CLN6: variants seen among roughly 807,000 people sequenced by gnomAD.
CLN6 encodes the protein CLN6 transmembrane ER protein, also known as ceroid-lipofuscinosis neuronal protein 6.
In CLN6, 22 loss-of-function variants were observed where a neutral mutation model predicts 33.3. That is an observed-to-expected ratio of 0.66 (90% CI 0.47 to 0.94). The LOEUF (loss-of-function observed/expected upper bound fraction) is 0.94, where lower values mean the gene tolerates loss of function less well. Among genes scored for constraint, CLN6 ranks in the 40% least tolerant of loss-of-function variants. The pLI is 0.00. For missense variants in CLN6, 387 were observed against 417.1 expected (o/e 0.93, Z 0.63); for synonymous variants, 201 against 174.6 (o/e 1.15, Z -1.19).
intron 1 of CLN6, among the ~76,000 whole-genome samples, chr15:68,249,639 A>C (rs1187733801): frequency 3.9e-5 from 6 of 152,074 alleles, no homozygotes; most frequent in Non-Finnish European, 8.8e-5. Flanking sequence ...GAAGATAGAG[A>C]GTAGATTGAC....
intron 1 of CLN6, among the ~76,000 whole-genome samples, chr15:68,245,365 T>C (rs112482802): frequency 0.065 from 9,858 of 151,936 alleles, 1,067 homozygotes; most frequent in African/African-American, 0.22. Flanking sequence ...GAGCTTGAGA[T>C]GAGCCTGGGC....
In CLN6 at chr15:68,220,556, T is replaced by G. The variant is rs1479261707; in HGVS notation, c.84-1906A>C. Among the ~76,000 whole-genome samples, 4 of 152,208 alleles carry G rather than the reference T, an allele frequency of 2.6e-5. No homozygotes were observed. Among genetic ancestry groups the G allele is most frequent in the Admixed American group, 6.5e-5 (1 of 15,286 alleles). ...GGTTCTAAGGGTGCAAGCCCAGGAC[T>G]GCCTACAGCCAAGGTTCCACCCTCA... On this transcript the variant is annotated intron_variant, in intron 1 of 6. Transcript: ENST00000249806. This position sits in a 1 kb window ranked among gnomAD's most constrained non-coding sequence, Gnocchi z 4.2.
rs778580366 is a variant in CLN6, at chr15:68,241,667, G to A, written c.179+15023C>T. On this transcript the variant is annotated intron_variant, in intron 1 of 6. Transcript: ENST00000538696. This position sits in a 1 kb window ranked among gnomAD's most constrained non-coding sequence, Gnocchi z 4.2. The stretch of plus-strand genomic sequence containing the variant: ...CCCTAGAAACATGGTTCTGTAACTC[G>A]GCCAAAGAAGACACCAAATCAGAGT... 6.6e-6 allele frequency among the ~76,000 whole-genome samples: 1 copy of A among 152,132 alleles called. No homozygotes were observed. Among genetic ancestry groups the A allele is most frequent in the South Asian group, 2.1e-4 (1 of 4,822 alleles).
At chr15:68,253,151 G>A (rs1892396582) in intron 1 of CLN6, among the ~76,000 whole-genome samples, 1 of 152,200 alleles carries the variant, frequency 6.6e-6, no homozygotes, top group African/African-American at 2.4e-5. Flanking sequence ...AATGGGAAAG[G>A]CTGGTGTAAA....
rs1892283654 is a variant in CLN6 at position 68,241,992 on chromosome 15, G to C, written c.179+14698C>G. Reference sequence around the variant, plus strand: ...AAAGCAAAACAGGCCACACAGAGAAGACTAGAATAAATAAATAATCCTTCA... The same window carrying C: ...AAAGCAAAACAGGCCACACAGAGAACACTAGAATAAATAAATAATCCTTCA... On this transcript the variant is annotated intron_variant, in intron 1 of 6. Coordinates refer to the CLN6 transcript ENST00000538696. The surrounding 1 kb of genome is among the most constrained non-coding windows in gnomAD (Gnocchi z 4.2). Among the ~76,000 whole-genome samples the C allele has an allele frequency of 6.6e-6, 1 of 151,922 alleles. No homozygotes were observed. Among genetic ancestry groups the C allele is most frequent in the African/African-American group, 2.4e-5 (1 of 41,354 alleles).
At chr15:68,226,267 TGAG>T (rs2141153133) in intron 1 of CLN6, among the ~76,000 whole-genome samples, 2 of 143,402 alleles carry the variant, frequency 1.4e-5, no homozygotes, top group East Asian at 4.2e-4. Context: ...TGCAGTGAGC[TGAG>T]ATCATGCCAC....
rs1892220969 is a variant in CLN6 at position 68,236,522 on chromosome 15, T to C, written c.180-17872A>G. 6.6e-6 allele frequency among the ~76,000 whole-genome samples: 1 copy of C among 152,228 alleles called. No homozygotes were observed. The highest frequency in any genetic ancestry group is 6.5e-5 in the Admixed American group (1 of 15,284). On this transcript the variant is annotated intron_variant, in intron 1 of 6. Transcript: ENST00000538696. The surrounding 1 kb of genome is among the most constrained non-coding windows in gnomAD (Gnocchi z 4.5). ...AAAGGCCATATGCTGTATTAGGCCA[T>C]TTATATGAAATGTCCAGAATAGGCA...
intron 1 of CLN6, among the ~76,000 whole-genome samples, chr15:68,238,031 G>A (rs1414852747): frequency 2.0e-5 from 3 of 152,042 alleles, no homozygotes; most frequent in African/African-American, 7.3e-5. Context: ...GCTGAGGCAG[G>A]AGAATTACTT....
At chr15:68,231,339 G>A (rs1249459052), upstream of CLN6, among the ~76,000 whole-genome samples, 1 of 152,296 alleles carries the variant, frequency 6.6e-6, no homozygotes, top group East Asian at 1.9e-4. Context: ...CACACACCAG[G>A]TCGTAAGGAG....
intron 1 of CLN6, 61 bp from the exon 2 acceptor site, chr15:68,218,711 C>T: frequency 1.6e-6 from 2 of 1,255,650 alleles, no homozygotes; most frequent in Non-Finnish European, 2.3e-6. Flanking sequence ...AAATCTTCCC[C>T]TGAGATTAGC....
chr15:68,208,921 T>C lies in CLN6; in HGVS notation c.666-511A>G, dbSNP rs901592169. Among the ~76,000 whole-genome samples the C allele has an allele frequency of 1.3e-5, 2 of 152,210 alleles. No individual in the cohort carries two copies. Among genetic ancestry groups the C allele is most frequent in the Admixed American group, 1.3e-4 (2 of 15,286 alleles). On this transcript the variant is annotated intron_variant, in intron 6 of 6. Coordinates refer to ENST00000249806, the MANE Select transcript of CLN6 (RefSeq NM_017882.3). The surrounding 1 kb of genome is among the most constrained non-coding windows in gnomAD (Gnocchi z 5.8). ...TAGGGGACAGGCCGGGGAGAGGATCTAGAGCTGGCCCAGGAAAGGAGGCCC... is the reference window on the plus strand; with the variant it reads ...TAGGGGACAGGCCGGGGAGAGGATCCAGAGCTGGCCCAGGAAAGGAGGCCC...
rs919844747 is a variant in CLN6 at position 68,211,431 on chromosome 15, C to A, written c.487-113G>T. On this transcript the variant is annotated intron_variant, in intron 4 of 6. Coordinates refer to ENST00000249806, the MANE Select transcript of CLN6 (RefSeq NM_017882.3). The surrounding 1 kb of genome is among the most constrained non-coding windows in gnomAD (Gnocchi z 5.9). ...CCTTCTCCCAGTCCCAGGCCTCCCC[C>A]ACTGCCTTATTCCCTACCCGGGGCC... 4.6e-6 allele frequency: 7 copies of A among 1,535,398 alleles called. No individual in the cohort carries two copies. Among genetic ancestry groups the A allele is most frequent in the Middle Eastern group, 1.8e-4 (1 of 5,620 alleles).
intron 3 of CLN6, chr15:68,212,548 T>G (rs1031525630): frequency 4.6e-5 from 7 of 152,752 alleles, no homozygotes; most frequent in African/African-American, 1.7e-4. Context: ...TGAAATTCAT[T>G]TCTTTCATTT....
intron 1 of CLN6, among the ~76,000 whole-genome samples, chr15:68,243,336 CA>C (rs1892295374): frequency 6.6e-6 from 1 of 152,150 alleles, no homozygotes; most frequent in Admixed American, 6.5e-5. Context: ...TTCCGAATAA[CA>C]GAGTTTTCTT....
chr15:68,208,001 A>C lies in CLN6; in HGVS notation c.*139T>G. 1 of 800,940 alleles carries C rather than the reference A, an allele frequency of 1.2e-6. No homozygotes were observed. The highest frequency in any genetic ancestry group is 2.1e-5 in the Admixed American group (1 of 46,660). The allele number at this position is 800,940 out of a possible 1,614,324, so 49.6% of individuals were successfully genotyped here. A position where few individuals can be genotyped will look rare whatever the true frequency, so the allele number is the denominator to read the frequency against. On this transcript the variant is annotated 3_prime_UTR_variant, in exon 7 of 7. Coordinates refer to ENST00000249806, the MANE Select transcript of CLN6 (RefSeq NM_017882.3). This position sits in a 1 kb window ranked among gnomAD's most constrained non-coding sequence, Gnocchi z 5.8. Reference sequence around the variant, plus strand: ...CAAGACACACACACACACACACACGAATCCACGCACACGAGGCACACCCCA... The same window carrying C: ...CAAGACACACACACACACACACACGCATCCACGCACACGAGGCACACCCCA...
Position 68,229,523 on chromosome 15 carries a change from C to G in CLN6, c.62G>C (p.Gly21Ala). The change falls in exon 1 of 7, where the codon GGC (glycine) becomes GCC (alanine). Residue 21 changes from glycine to alanine, a missense_variant. Physicochemically the swap from Gly to Ala is moderately conservative, Grantham distance 60. Coordinates refer to ENST00000249806, the MANE Select transcript of CLN6 (RefSeq NM_017882.3). Reference protein sequence around the residue: ...GATGGPGAQLGASFLQARHGS... With the variant: ...GATGGPGAQLAASFLQARHGS... ...CCACCTGGCCTGCAGGAAGGAGGCG[C>G]CCAGCTGCGCGCCTGGGCCGCCCGT... 6.8e-7 allele frequency: 1 copy of G among 1,467,250 alleles called. No homozygotes were observed. The highest frequency in any genetic ancestry group is 9.0e-7 in the Non-Finnish European group (1 of 1,114,570). 90.9% of individuals were successfully genotyped at this position (1,467,250 alleles called of 1,614,324 possible).
At chr15:68,250,533 G>A (rs1892367928) in intron 1 of CLN6, among the ~76,000 whole-genome samples, 2 of 149,190 alleles carry the variant, frequency 1.3e-5, no homozygotes, top group Non-Finnish European at 3.0e-5. Flanking sequence ...GCTGAGGCAA[G>A]AGAATCGCTT....
chr15:68,207,972 T>C lies in CLN6; in HGVS notation c.*168A>G. ...GAAAATGATGCACTCTGCGCACACA[T>C]ATACAAGACACACACACACACACAC... On this transcript the variant is annotated 3_prime_UTR_variant, in exon 7 of 7. Transcript: ENST00000249806. The C allele has an allele frequency of 3.5e-6, 2 of 579,562 alleles. No homozygotes were observed. The highest frequency in any genetic ancestry group is 3.2e-5 in the Admixed American group (1 of 30,796). 35.9% of individuals were successfully genotyped at this position (579,562 alleles called of 1,614,324 possible).
rs2093205260 is a variant in CLN6 at position 68,211,575 on chromosome 15, G to GA, written c.486+99dup. On this transcript the variant is annotated intron_variant, in intron 4 of 6. Transcript: ENST00000249806. The surrounding 1 kb of genome is among the most constrained non-coding windows in gnomAD (Gnocchi z 5.9). ...CCTCACCTAGCAGAATGCCTTTGGTGAAAGGACAGGTGCGGCGAGGGGTGG... is the reference window on the plus strand; with the variant it reads ...CCTCACCTAGCAGAATGCCTTTGGTGAAAAGGACAGGTGCGGCGAGGGGTGG... 8 of 1,601,870 alleles carry GA rather than the reference G, an allele frequency of 5.0e-6. No homozygotes were observed. Among genetic ancestry groups the GA allele is most frequent in the Non-Finnish European group, 6.8e-6 (8 of 1,179,690 alleles).
Sources: allele counts gnomAD v4.1 joint callset (sites outside exome capture counted in the v4.1 genomes callset), GRCh38; gene constraint gnomAD v4.1.1; non-coding constraint Gnocchi (gnomAD v3.1); transcripts MANE v1.5; gene names NCBI Gene and HGNC (gene_info 2026-07-23, HGNC 2026-07-21).